Variants in CFAP54 observed in about 807,000 individuals in gnomAD.
CFAP54 encodes cilia and flagella associated protein 54.
A neutral mutation model predicts 370.4 loss-of-function variants in CFAP54; 290 were observed. The observed-to-expected ratio is 0.78, with a 90% CI of 0.71 to 0.86. The LOEUF (loss-of-function observed/expected upper bound fraction) is 0.86, where lower values mean the gene tolerates loss of function less well. Ranked by LOEUF, CFAP54 falls within the 40% of genes least tolerant of loss-of-function variation. The pLI is 0.00. For synonymous variants in CFAP54, 1,206 were observed against 1,236.5 expected, an observed-to-expected ratio of 0.98 and a Z score of 0.52; for missense variants, 3,399 against 3,528.7, an observed-to-expected ratio of 0.96 and a Z score of 0.93.
At position 96,713,988 on chromosome 12, in the gene CFAP54, G is replaced by C. The variant is rs376834365; in HGVS notation, c.6725-4455G>C. 2.0e-5 allele frequency among the ~76,000 whole-genome samples: 3 copies of C among 152,278 alleles called. 1 individual carries two copies. ...AAAATATTTGGCTTTTATTCTGAGT[G>C]AGTTGGAATACCACTGGAGAAATTT... On this transcript the variant is annotated intron_variant, in intron 48 of 67. Coordinates refer to ENST00000524981, the MANE Select transcript of CFAP54 (RefSeq NM_001306084.2).
At chr12:96,554,065 TTAGA>T (rs1955726383) in intron 15 of CFAP54, 113 bp from the exon 16 acceptor site, 3 of 618,458 alleles carry the variant, frequency 4.9e-6, no homozygotes, top group South Asian at 4.7e-5. Flanking sequence ...ATTGTTAGTG[TTAGA>T]TAGACTATTT....
chr12:96,802,206 G>A (rs541226922), intron 63 of CFAP54, among the ~76,000 whole-genome samples: 10 of 152,214 alleles, frequency 6.6e-5, no homozygotes, highest in African/African-American at 2.4e-4. Flanking sequence ...CCCTGCTACA[G>A]CCTGCGGTGA....
At chr12:96,528,756 A>G (rs992232949) in intron 9 of CFAP54, among the ~76,000 whole-genome samples, 2 of 152,004 alleles carry the variant, frequency 1.3e-5, no homozygotes, top group African/African-American at 4.8e-5. Flanking sequence ...GATCTTCCCT[A>G]TTGTATGTCC....
chr12:96,577,366 A>G lies in CFAP54; in HGVS notation c.2796+605A>G, dbSNP rs573096738. ...TATATGTGACTAAAACTTGAGATTC[A>G]GTTTCTTCACAAGAATTTGGTTCTA... On this transcript the variant is annotated intron_variant, in intron 20 of 67. Transcript: ENST00000524981. 1.8e-4 allele frequency among the ~76,000 whole-genome samples: 27 copies of G among 152,340 alleles called. No individual in the cohort carries two copies. The South Asian group carries it at 4.1e-3, about 23-fold the overall frequency.
chr12:96,606,356 CTG>C (rs1366979808), intron 26 of CFAP54, among the ~76,000 whole-genome samples: 1 of 152,212 alleles, frequency 6.6e-6, no homozygotes, highest in Non-Finnish European at 1.5e-5. Context: ...GATTCCCAAC[CTG>C]TTGACTTGAG....
intron 20 of CFAP54, among the ~76,000 whole-genome samples, chr12:96,579,853 GTTTGA>G (rs1297788362): frequency 6.6e-6 from 1 of 151,632 alleles, no homozygotes; most frequent in Non-Finnish European, 1.5e-5. Context: ...TATATTTTAT[GTTTGA>G]TTTATGTCTA....
chr12:96,564,401 G>C, intron 17 of CFAP54, 67 bp from the exon 18 acceptor site: 1 of 629,018 alleles, frequency 1.6e-6, no homozygotes, highest in South Asian at 1.9e-5. Flanking sequence ...TTACTCCTTA[G>C]TATTTAAAAA....
At chr12:96,733,161 A>C (rs1405775095) in intron 50 of CFAP54, among the ~76,000 whole-genome samples, 4 of 152,244 alleles carry the variant, frequency 2.6e-5, no homozygotes, top group Non-Finnish European at 5.9e-5. Flanking sequence ...CCTTGGGACA[A>C]AACCTGCAAA....
chr12:96,866,368 G>A (rs1232828482), intron 67 of CFAP54, among the ~76,000 whole-genome samples: 3 of 152,074 alleles, frequency 2.0e-5, no homozygotes, highest in Admixed American at 1.3e-4. Context: ...TTTACAACGA[G>A]TAATAATTTG....
At chr12:96,852,278 G>T (rs1368148547) in intron 66 of CFAP54, among the ~76,000 whole-genome samples, 3 of 152,030 alleles carry the variant, frequency 2.0e-5, no homozygotes, top group South Asian at 4.2e-4. Context: ...AGAGAGGATA[G>T]GTAGGTAGGT....
intron 60 of CFAP54, among the ~76,000 whole-genome samples, chr12:96,767,253 C>T (rs1958409980): frequency 6.6e-6 from 1 of 152,160 alleles, no homozygotes; most frequent in Admixed American, 6.5e-5. Context: ...AGAAGAACCT[C>T]TGTATGATTC....
chr12:96,757,010 G>A (rs530342385), intron 57 of CFAP54, among the ~76,000 whole-genome samples: 91 of 152,284 alleles, frequency 6.0e-4, no homozygotes, highest in African/African-American at 2.1e-3. Context: ...ACTGATCCAG[G>A]TGCACTGATC....
Position 96,630,198 on chromosome 12 carries a change from T to G in CFAP54, c.4209T>G (p.Ile1403Met), listed in dbSNP as rs952943285. The G allele has an allele frequency of 7.5e-6, 11 of 1,468,960 alleles. No homozygotes were observed. Among genetic ancestry groups the G allele is most frequent in the African/African-American group, 1.4e-5 (1 of 70,430 alleles). 91.0% of individuals were successfully genotyped at this position (1,468,960 alleles called of 1,614,324 possible). ...AGTTCAAAGCTGCAGTAATGGAAATTGGAAGAGTAAGTTTCCTATGAGTTT... is the reference window on the plus strand; with the variant it reads ...AGTTCAAAGCTGCAGTAATGGAAATGGGAAGAGTAAGTTTCCTATGAGTTT... The part of the protein sequence containing the change: ...SLKFKAAVME[I>M]GRSAEMQQRI... The change falls in exon 31 of 68, where the codon ATT (isoleucine) becomes ATG (methionine). Residue 1403 changes from isoleucine to methionine, a missense_variant. Coordinates refer to ENST00000524981, the MANE Select transcript of CFAP54 (RefSeq NM_001306084.2).
intron 46 of CFAP54, among the ~76,000 whole-genome samples, 181 bp from the exon 47 acceptor site, chr12:96,704,562 A>G (rs1447180921): frequency 6.8e-6 from 1 of 146,360 alleles, no homozygotes; most frequent in African/African-American, 2.5e-5. Flanking sequence ...TGTAATTCTT[A>G]AAAGAAGTTG....
chr12:96,557,711 A>G lies in CFAP54; in HGVS notation c.2410+2909A>G, dbSNP rs143828473. Among the ~76,000 whole-genome samples, 26 of 152,222 alleles carry G rather than the reference A, an allele frequency of 1.7e-4. 1 individual carries two copies. The highest frequency in any genetic ancestry group is 5.8e-4 in the African/African-American group (24 of 41,568). ...GATGGGAGGATGGGGTCAGAAAAAA[A>G]TAAAATGAAAGACTACATTCAGTAG... is the stretch of plus-strand genomic sequence containing the variant. On this transcript the variant is annotated intron_variant, in intron 17 of 67. Transcript: ENST00000524981.
chr12:96,713,069 A>C (rs1957632726), intron 48 of CFAP54, among the ~76,000 whole-genome samples: 1 of 152,230 alleles, frequency 6.6e-6, no homozygotes, highest in African/African-American at 2.4e-5. Flanking sequence ...AGAAAGGAAA[A>C]TGCTCATATA....
At chr12:96,680,350 C>T (rs1957255915) in intron 40 of CFAP54, among the ~76,000 whole-genome samples, 2 of 152,062 alleles carry the variant, frequency 1.3e-5, no homozygotes, top group South Asian at 4.2e-4. Context: ...AAATGGTAAC[C>T]TCAGAGAAGA....
At chr12:96,797,053 G>A (rs528056697) in intron 63 of CFAP54, among the ~76,000 whole-genome samples, 83 of 152,214 alleles carry the variant, frequency 5.5e-4, no homozygotes, top group African/African-American at 1.8e-3. Context: ...GTTAAAAATA[G>A]TTTTGTAAAA....
intron 1 of CFAP54, among the ~76,000 whole-genome samples, chr12:96,490,356 G>A (rs1172255141): frequency 6.6e-6 from 1 of 152,170 alleles, no homozygotes; most frequent in East Asian, 1.9e-4. Flanking sequence ...AGCAATATAA[G>A]AAGGAATTAA....
Sources: allele counts gnomAD v4.1 joint callset (sites outside exome capture counted in the v4.1 genomes callset), GRCh38; gene constraint gnomAD v4.1.1; transcripts MANE v1.5; gene names NCBI Gene and HGNC (gene_info 2026-07-23, HGNC 2026-07-21).